CSNK1G1: variants seen among roughly 807,000 people sequenced by gnomAD.
The protein encoded by CSNK1G1 is casein kinase I isoform gamma-1.
In CSNK1G1, 22 loss-of-function variants were observed where a neutral mutation model predicts 59.6. That is an observed-to-expected ratio of 0.37 (90% CI 0.26 to 0.53). The LOEUF is 0.53. CSNK1G1 is among the 20% of genes least tolerant of loss of function. The pLI is 0.89. For synonymous variants in CSNK1G1, 179 were observed against 177.1 expected (o/e 1.01, Z -0.08); for missense variants, 384 against 519.5 (o/e 0.74, Z 2.54).
In CSNK1G1 at chr15:64,261,833, C is replaced by T. The variant is rs546155102; in HGVS notation, c.182-2592G>A. Among the ~76,000 whole-genome samples, 7 of 151,028 alleles carry T rather than the reference C, an allele frequency of 4.6e-5. No homozygotes were observed. In the South Asian group the frequency reaches 1.3e-3, roughly 27 times the overall value. On this transcript the variant is annotated intron_variant, in intron 2 of 11. Transcript: ENST00000303052. ...TAGTGTGCACCTGTAATCCCAGCTA[C>T]TCAGGAGGCTGAGGCAGGAGAATCG...
chr15:64,318,332 C>A (rs1160767049), intron 1 of CSNK1G1, among the ~76,000 whole-genome samples: 1 of 152,010 alleles, frequency 6.6e-6, no homozygotes, highest in African/African-American at 2.4e-5. Flanking sequence ...AAATGATTTT[C>A]TTTCCATCTG....
At chr15:64,261,706 A>G (rs1346854984) in intron 2 of CSNK1G1, among the ~76,000 whole-genome samples, 1 of 152,028 alleles carries the variant, frequency 6.6e-6, no homozygotes, top group Non-Finnish European at 1.5e-5. Context: ...GCACTTGGGG[A>G]GGGCGAGGCA....
chr15:64,265,677 ACCT>A, intron 2 of CSNK1G1: 1 of 351,534 alleles, frequency 2.8e-6, no homozygotes, highest in East Asian at 7.5e-5. Flanking sequence ...AAAAAAAAAA[ACCT>A]AGGAATAAAT....
intron 1 of CSNK1G1, among the ~76,000 whole-genome samples, chr15:64,304,908 G>A (rs972752141): frequency 2.6e-5 from 4 of 152,086 alleles, no homozygotes; most frequent in Non-Finnish European, 5.9e-5. Flanking sequence ...GGCTCTTTCT[G>A]ATCTACTACT....
At position 64,188,550 on chromosome 15, in the gene CSNK1G1, T is replaced by C. The variant is rs947376671; in HGVS notation, c.1108-8096A>G. 2.4e-6 allele frequency: 3 copies of C among 1,226,472 alleles called. No homozygotes were observed. Among genetic ancestry groups the C allele is most frequent in the South Asian group, 1.3e-5 (1 of 75,774 alleles). 76.0% of individuals were successfully genotyped at this position (1,226,472 alleles called of 1,614,324 possible). A position where few individuals can be genotyped will look rare whatever the true frequency, so the allele number is the denominator to read the frequency against. ...GGAAAGGTGAAGCAACAGCAAGCAA[T>C]AACAAAATCAAGTACATTCGTGTCC... is the stretch of plus-strand genomic sequence containing the variant. On this transcript the variant is annotated intron_variant, in intron 10 of 11. Coordinates refer to ENST00000303052, the MANE Select transcript of CSNK1G1 (RefSeq NM_022048.5). This position sits in a 1 kb window ranked among gnomAD's most constrained non-coding sequence, Gnocchi z 4.2.
chr15:64,198,362 C>A (rs527418208), intron 10 of CSNK1G1, among the ~76,000 whole-genome samples: 165 of 151,896 alleles, frequency 1.1e-3, no homozygotes, highest in Non-Finnish European at 1.1e-3. Flanking sequence ...CCCACCACCA[C>A]ACCCAGCTAA....
At chr15:64,222,354 C>T (rs1365627358) in intron 4 of CSNK1G1, among the ~76,000 whole-genome samples, 5 of 147,768 alleles carry the variant, frequency 3.4e-5, no homozygotes, top group African/African-American at 5.0e-5. Flanking sequence ...CATGTACCTA[C>T]GTAACAAACC....
chr15:64,171,682 C>T lies in CSNK1G1; in HGVS notation c.*249G>A. On this transcript the variant is annotated 3_prime_UTR_variant, in exon 12 of 12. Coordinates refer to ENST00000303052, the MANE Select transcript of CSNK1G1 (RefSeq NM_022048.5). The surrounding 1 kb of genome is among the most constrained non-coding windows in gnomAD (Gnocchi z 4.8). ...GGGAAGGAGAGTCAACCAGGCAGCC[C>T]TATGGGCAAGCAGTGGAGGAACAGC... 1 of 564,124 alleles carries T rather than the reference C, an allele frequency of 1.8e-6. No homozygotes were observed. Among genetic ancestry groups the T allele is most frequent in the Non-Finnish European group, 3.2e-6 (1 of 315,818 alleles). The allele number at this position is 564,124 out of a possible 1,614,324, so 34.9% of individuals were successfully genotyped here. A position where few individuals can be genotyped will look rare whatever the true frequency, so the allele number is the denominator to read the frequency against.
rs548277975 is a variant in CSNK1G1 at position 64,333,086 on chromosome 15, G to T, written c.-225+22902C>A. ...AGCCTAGCCAACATGGTGAAATCCT[G>T]TCTCTACTAAAAATACAAAACTTAG... On this transcript the variant is annotated intron_variant, in intron 1 of 11. Coordinates refer to ENST00000303052, the MANE Select transcript of CSNK1G1 (RefSeq NM_022048.5). Among the ~76,000 whole-genome samples, 8 of 150,526 alleles carry T rather than the reference G, an allele frequency of 5.3e-5. No homozygotes were observed. In the South Asian group the frequency reaches 1.7e-3, roughly 32 times the overall value.
chr15:64,192,047 GA>G (rs1016296615), intron 10 of CSNK1G1, among the ~76,000 whole-genome samples: 12 of 152,198 alleles, frequency 7.9e-5, no homozygotes, highest in African/African-American at 2.9e-4. Context: ...AACTCTCCAA[GA>G]AAGGTATTCT....
chr15:64,205,380 C>T (rs1052650924), intron 7 of CSNK1G1, among the ~76,000 whole-genome samples: 2 of 152,126 alleles, frequency 1.3e-5, no homozygotes, highest in Non-Finnish European at 2.9e-5. Context: ...TTCTACTACA[C>T]ATATATTGAG....
At chr15:64,215,326 C>T (rs1179949157) in intron 5 of CSNK1G1, among the ~76,000 whole-genome samples, 2 of 151,206 alleles carry the variant, frequency 1.3e-5, no homozygotes, top group Non-Finnish European at 2.9e-5. Context: ...CATTCTCCTG[C>T]CTCAGCCTCC....
intron 2 of CSNK1G1, among the ~76,000 whole-genome samples, chr15:64,281,361 T>C (rs1288407516): frequency 6.6e-6 from 1 of 151,970 alleles, no homozygotes; most frequent in East Asian, 1.9e-4. Flanking sequence ...TCCCAAAACT[T>C]TGGAAGGGCG....
chr15:64,236,793 T>C (rs969839662), intron 4 of CSNK1G1, among the ~76,000 whole-genome samples: 9 of 152,176 alleles, frequency 5.9e-5, no homozygotes, highest in Non-Finnish European at 1.0e-4. Context: ...ACTGGGTATC[T>C]ACTCAAAGGA....
intron 1 of CSNK1G1, among the ~76,000 whole-genome samples, chr15:64,325,230 T>G (rs1173261836): frequency 6.6e-6 from 1 of 152,208 alleles, no homozygotes; most frequent in Admixed American, 6.5e-5. Context: ...GTTAGTGATA[T>G]TTTACCTTCA....
rs144869542 is a variant in CSNK1G1 at position 64,345,776 on chromosome 15, G to A, written c.-225+10212C>T. ...TTTCTTTAAGAACATCCTTATTAAC[G>A]CTTGTAGAATAGAAAAAAAAACTTA... is the stretch of plus-strand genomic sequence containing the variant. On this transcript the variant is annotated intron_variant, in intron 1 of 11. Transcript: ENST00000303052. Among the ~76,000 whole-genome samples, 795 of 151,946 alleles carry A rather than the reference G, an allele frequency of 5.2e-3. 10 individuals carry two copies. Among genetic ancestry groups the A allele is most frequent in the African/African-American group, 0.017 (721 of 41,424 alleles).
At chr15:64,218,140 G>C (rs2140271256) in intron 4 of CSNK1G1, among the ~76,000 whole-genome samples, 1 of 152,076 alleles carries the variant, frequency 6.6e-6, no homozygotes, top group South Asian at 2.1e-4. Context: ...TAGAGATGGG[G>C]TCTCACTATG....
At chr15:64,181,259 C>T (rs2081809519) in intron 10 of CSNK1G1, 2 of 1,535,872 alleles carry the variant, frequency 1.3e-6, no homozygotes, top group Admixed American at 3.9e-5. Context: ...AGTGAAGGCT[C>T]TCACTCCTGT....
intron 4 of CSNK1G1, among the ~76,000 whole-genome samples, chr15:64,240,398 T>G (rs1402193763): frequency 6.6e-6 from 1 of 152,048 alleles, no homozygotes; most frequent in African/African-American, 2.4e-5. Flanking sequence ...AACTGAAAAT[T>G]TTTCATGTCT....
Sources: gnomAD v4.1 joint callset for allele counts (sites outside exome capture counted in the v4.1 genomes callset) on GRCh38, gnomAD v4.1.1 for gene constraint, Gnocchi (gnomAD v3.1) non-coding constraint, MANE v1.5 for transcripts, NCBI Gene and HGNC (gene_info 2026-07-23, HGNC 2026-07-21) for gene names.